Variants in CROT observed in about 807,000 individuals in gnomAD.
The protein encoded by CROT is peroxisomal carnitine O-octanoyltransferase.
Under a neutral mutation model 89.2 loss-of-function variants are expected in CROT, and 84 were observed. The ratio of observed to expected loss-of-function variants is 0.94; its 90% CI spans 0.79 to 1.13. The LOEUF is 1.13. Ranked by LOEUF, CROT falls within the 50% of genes most tolerant of loss-of-function variation. The probability of loss-of-function intolerance (pLI) is 0.00; values close to 1 mark genes in which losing one functional copy is unlikely to be tolerated. For synonymous variants in CROT, 212 were observed against 239.5 expected (o/e 0.89, Z 1.06); for missense variants, 711 against 727.8 (o/e 0.98, Z 0.27).
intron 2 of CROT, 56 bp from the exon 3 acceptor site, chr7:87,348,992 A>G (rs955383485): frequency 1.4e-6 from 1 of 691,878 alleles, no homozygotes; most frequent in East Asian, 2.7e-5. Flanking sequence ...TGTACCTAGG[A>G]TACGTAACAC....
At position 87,391,706 on chromosome 7, in the gene CROT, T is replaced by G. The variant is rs753057454; in HGVS notation, c.1419T>G (p.Ser473=). 5.2e-5 allele frequency: 83 copies of G among 1,606,142 alleles called. No homozygotes were observed. The highest frequency in any genetic ancestry group is 6.7e-5 in the Non-Finnish European group (79 of 1,177,580). The change falls in exon 14 of 18, where the codon TCT becomes TCG. Residue 473 remains serine (S), a synonymous_variant. Coordinates refer to ENST00000331536, the MANE Select transcript of CROT (RefSeq NM_021151.4). The part of the protein sequence containing the change: ...VRWCQSMQDP[S]VNLRERQQKM... The stretch of plus-strand genomic sequence containing the variant: ...GGTGCCAGTCCATGCAGGATCCTTC[T>G]GTCAATGTGAGTATTGGAAAGGAAA...
intron 4 of CROT, chr7:87,359,823 T>C: frequency 7.1e-6 from 7 of 983,680 alleles, no homozygotes; most frequent in Non-Finnish European, 8.5e-6. Context: ...AGTATAATAA[T>C]TATTGAAGGT....
At chr7:87,395,331 A>C (rs542126645) in intron 17 of CROT, among the ~76,000 whole-genome samples, 13 of 152,256 alleles carry the variant, frequency 8.5e-5, no homozygotes, top group Middle Eastern at 3.4e-3. Flanking sequence ...GCCCTCCCAG[A>C]TTAACGGTGG....
Position 87,361,507 on chromosome 7 carries a change from A to G in CROT, c.358A>G (p.Thr120Ala), listed in dbSNP as rs76309506. 167 of 1,612,502 alleles carry G rather than the reference A, an allele frequency of 1.0e-4. No homozygotes were observed. In the East Asian group the frequency reaches 3.6e-3, roughly 35 times the overall value. Reference sequence around the variant, plus strand: ...ACACTACTGGCCTCCAAAGGAAGGGACTCAATTAGAAAGAGGAAGTATAAC... The same window carrying G: ...ACACTACTGGCCTCCAAAGGAAGGGGCTCAATTAGAAAGAGGAAGTATAAC... ...FEHYWPPKEG[T>A]QLERGSITLW... The change falls in exon 5 of 18, where the codon ACT (threonine) becomes GCT (alanine). Residue 120 changes from threonine (T) to alanine (A), a missense_variant. Thr to Ala is a moderately conservative substitution (Grantham distance 58, BLOSUM62 0). Coordinates refer to ENST00000331536, the MANE Select transcript of CROT (RefSeq NM_021151.4).
rs1807645665 is a variant in CROT, at chr7:87,398,842, GCTC to G, written c.*202_*204del. The stretch of plus-strand genomic sequence containing the variant: ...CCATAGAAGGTAGAAATATTTTTAA[GCTC>G]CTCTGATGCAGCAGCAATGCAAATT... On this transcript the variant is annotated 3_prime_UTR_variant, in exon 18 of 18. Transcript: ENST00000331536. 1.7e-6 allele frequency: 1 copy of G among 576,196 alleles called. No individual in the cohort carries two copies. The highest frequency in any genetic ancestry group is 3.0e-6 in the Non-Finnish European group (1 of 331,234). The allele number at this position is 576,196 out of a possible 1,614,324, so 35.7% of individuals were successfully genotyped here.
chr7:87,391,642 C>A lies in CROT; in HGVS notation c.1355C>A (p.Thr452Lys). ...AMTRHFYHGRTETMRSCTVEA... is the reference protein window; with the variant it reads ...AMTRHFYHGRKETMRSCTVEA... ...ACAAGACATTTTTATCATGGCCGTA[C>A]AGAGACTATGCGATCATGCACAGTT... The change falls in exon 14 of 18, where the codon ACA becomes AAA. Residue 452 changes from threonine (T) to lysine (K), a missense_variant. Thr to Lys is a moderately conservative substitution (Grantham distance 78, BLOSUM62 -1). Coordinates refer to ENST00000331536, the MANE Select transcript of CROT (RefSeq NM_021151.4). 6.2e-7 allele frequency: 1 copy of A among 1,611,428 alleles called. No homozygotes were observed. The highest frequency in any genetic ancestry group is 8.5e-7 in the Non-Finnish European group (1 of 1,179,116).
At position 87,349,163 on chromosome 7, in the gene CROT, T is replaced by TA; in HGVS notation, c.102dup (p.Tyr35IlefsTer3). Reference sequence around the variant, plus strand: ...CCTGTTCCTTCACTTGAAGAATCATTAAAAAAATACCTTGAATCAGGTATG... The same window carrying TA: ...CCTGTTCCTTCACTTGAAGAATCATTAAAAAAAATACCTTGAATCAGGTATG... On this transcript the variant is annotated frameshift_variant, in exon 3 of 18. Coordinates refer to ENST00000331536, the MANE Select transcript of CROT (RefSeq NM_021151.4). LOFTEE classifies it high-confidence loss of function. The TA allele has an allele frequency of 1.9e-6, 3 of 1,574,128 alleles. No individual in the cohort carries two copies. The highest frequency in any genetic ancestry group is 1.4e-5 in the African/African-American group (1 of 73,824).
intron 6 of CROT, among the ~76,000 whole-genome samples, chr7:87,368,941 T>G (rs904593632): frequency 1.3e-5 from 2 of 152,250 alleles, no homozygotes; most frequent in Non-Finnish European, 2.9e-5. Context: ...AATTATTTTA[T>G]TGAGTTATCA....
At chr7:87,357,522 A>G in intron 3 of CROT, 1 of 1,546,042 alleles carries the variant, frequency 6.5e-7, no homozygotes, top group Non-Finnish European at 8.8e-7. Context: ...AGAACATGCT[A>G]CCAGATAAGG....
intron 6 of CROT, 22 bp downstream of exon 6, chr7:87,361,874 G>A (rs374208388): frequency 2.6e-5 from 40 of 1,554,548 alleles, no homozygotes; most frequent in Middle Eastern, 3.4e-4. Flanking sequence ...TGCAGATATC[G>A]TTTTTAGTAA....
chr7:87,352,527 G>A (rs958773534), intron 3 of CROT, among the ~76,000 whole-genome samples: 6 of 152,182 alleles, frequency 3.9e-5, no homozygotes, highest in African/African-American at 1.4e-4. Flanking sequence ...TATACATTAA[G>A]CTATTTTAAT....
chr7:87,359,958 G>C (rs1343394850), intron 4 of CROT: 1 of 980,184 alleles, frequency 1.0e-6, no homozygotes, highest in African/African-American at 1.8e-5. Context: ...AATAATTATT[G>C]TACCTATCAT....
chr7:87,368,566 T>C (rs1412006785), intron 6 of CROT, among the ~76,000 whole-genome samples: 2 of 152,298 alleles, frequency 1.3e-5, no homozygotes, highest in African/African-American at 2.4e-5. Context: ...TTCCTCATAG[T>C]TGATGAAAAG....
At position 87,392,498 on chromosome 7, in the gene CROT, C is replaced by T. The variant is rs1250766079; in HGVS notation, c.1426-68C>T. 7 of 1,234,772 alleles carry T rather than the reference C, an allele frequency of 5.7e-6. No homozygotes were observed. The African/African-American group carries it at 6.0e-5, about 11-fold the overall frequency. 76.5% of individuals were successfully genotyped at this position (1,234,772 alleles called of 1,614,324 possible). Reference sequence around the variant, plus strand: ...TTACCCCAATCCTAATTACAATGAGCTTAGGATTTTTTTCTAGTTGGGTTT... The same window carrying T: ...TTACCCCAATCCTAATTACAATGAGTTTAGGATTTTTTTCTAGTTGGGTTT... On this transcript the variant is annotated intron_variant, in intron 14 of 17. Coordinates refer to ENST00000331536, the MANE Select transcript of CROT (RefSeq NM_021151.4).
Position 87,393,040 on chromosome 7 carries a change from G to C in CROT, c.1691G>C (p.Gly564Ala). Residue 564 changes from glycine (G) to alanine (A), a missense_variant, in exon 17 of 18, where the codon GGA (glycine) becomes GCA (alanine). Gly to Ala is a moderately conservative substitution (Grantham distance 60). Transcript: ENST00000331536. Reference sequence around the variant, plus strand: ...GTTCCCATGGTACACAATGGTTATGGATTTTTCTACCATATCAGAGATGAC... The same window carrying C: ...GTTCCCATGGTACACAATGGTTATGCATTTTTCTACCATATCAGAGATGAC... The part of the protein sequence containing the change: ...VVVPMVHNGY[G>A]FFYHIRDDRF... 3.7e-6 allele frequency: 6 copies of C among 1,613,420 alleles called. No individual in the cohort carries two copies. The highest frequency in any genetic ancestry group is 4.2e-6 in the Non-Finnish European group (5 of 1,179,574).
At chr7:87,352,142 T>G (rs1438595370) in intron 3 of CROT, among the ~76,000 whole-genome samples, 2 of 152,224 alleles carry the variant, frequency 1.3e-5, no homozygotes, top group Non-Finnish European at 2.9e-5. Context: ...TGAATTAGTT[T>G]TCAGGTGTTT....
intron 10 of CROT, among the ~76,000 whole-genome samples, chr7:87,379,110 AC>A (rs1428088668): frequency 6.6e-6 from 1 of 152,012 alleles, no homozygotes; most frequent in African/African-American, 2.4e-5. Context: ...CTTGCAAACT[AC>A]CCTTTGTAAG....
At chr7:87,382,655 G>A in intron 13 of CROT, 112 bp downstream of exon 13, 3 of 1,058,330 alleles carry the variant, frequency 2.8e-6, no homozygotes, top group Non-Finnish European at 4.1e-6. Flanking sequence ...TTTCCCAGCT[G>A]GTACTGTGTC....
In CROT at chr7:87,349,124, C is replaced by A; in HGVS notation, c.56C>A (p.Ser19Tyr). 6.2e-7 allele frequency: 1 copy of A among 1,608,394 alleles called. No homozygotes were observed. The highest frequency in any genetic ancestry group is 1.1e-5 in the South Asian group (1 of 90,178). The change falls in exon 3 of 18, where the codon TCT (serine) becomes TAT (tyrosine). Residue 19 changes from serine (S) to tyrosine (Y), a missense_variant. Ser to Tyr is a moderately radical substitution (Grantham distance 144). Transcript: ENST00000331536. ...GAACGAACATTTCAGTACCAGGATTCTCTTCCATCACTGCCTGTTCCTTCA... is the reference window on the plus strand; with the variant it reads ...GAACGAACATTTCAGTACCAGGATTATCTTCCATCACTGCCTGTTCCTTCA... ...TEERTFQYQD[S>Y]LPSLPVPSLE...
Sources: gnomAD v4.1 joint callset for allele counts (sites outside exome capture counted in the v4.1 genomes callset) on GRCh38, gnomAD v4.1.1 for gene constraint, MANE v1.5 for transcripts, NCBI Gene and HGNC (gene_info 2026-07-23, HGNC 2026-07-21) for gene names.